Variants in CDH12 observed in about 807,000 individuals in gnomAD.
The protein encoded by CDH12 is cadherin-12.
CDH12 carries 41 observed loss-of-function variants against 74.1 expected under a neutral mutation model. The ratio of observed to expected loss-of-function variants is 0.55; its 90% confidence interval spans 0.43 to 0.72. The LOEUF (loss-of-function observed/expected upper bound fraction) is 0.72, where lower values mean the gene tolerates loss of function less well. Among genes scored for constraint, CDH12 ranks in the 30% least tolerant of loss-of-function variants. CDH12 has a pLI of 0.00. For missense variants in CDH12, 945 were observed against 977.2 expected (o/e 0.97, Z 0.44); for synonymous variants, 399 against 355.0 (o/e 1.12, Z -1.39).
At chr5:22,006,781 C>T (rs1430059281) in intron 5 of CDH12, among the ~76,000 whole-genome samples, 1 of 152,078 alleles carries the variant, frequency 6.6e-6, no homozygotes, top group Non-Finnish European at 1.5e-5. Context: ...CACATTAGGT[C>T]GCTCTAAGCA....
chr5:22,165,682 A>G (rs113686041), intron 4 of CDH12, among the ~76,000 whole-genome samples: 9,805 of 152,246 alleles, frequency 0.064, 353 homozygotes, highest in African/African-American at 0.086. Flanking sequence ...CCAGATAGGC[A>G]TTCTAAGTCA....
intron 5 of CDH12, among the ~76,000 whole-genome samples, chr5:21,983,008 T>G (rs2150128914): frequency 6.6e-6 from 1 of 152,288 alleles, no homozygotes; most frequent in Admixed American, 6.5e-5. Context: ...TCTTTCTTGC[T>G]AATCCAAACA....
chr5:22,678,007 C>T (rs900796644), intron 1 of CDH12, among the ~76,000 whole-genome samples: 2 of 144,670 alleles, frequency 1.4e-5, no homozygotes, highest in African/African-American at 2.5e-5. Context: ...TCATCTAAAC[C>T]TAAATACCAG....
intron 1 of CDH12, among the ~76,000 whole-genome samples, chr5:22,759,160 A>G (rs1236812453): frequency 2.0e-5 from 3 of 152,090 alleles, no homozygotes; most frequent in African/African-American, 7.2e-5. Flanking sequence ...CTTGTGATTC[A>G]GGATATATTT....
intron 6 of CDH12, among the ~76,000 whole-genome samples, chr5:21,915,815 A>C (rs1165142178): frequency 8.9e-6 from 1 of 112,838 alleles, no homozygotes; most frequent in African/African-American, 3.4e-5. Context: ...GTTTCTGATC[A>C]TTTGTGCTGT....
chr5:22,787,124 A>AAAACACACACACACCACACAC (rs1747675757), intron 1 of CDH12, among the ~76,000 whole-genome samples: 1 of 151,704 alleles, frequency 6.6e-6, no homozygotes, highest in African/African-American at 2.4e-5. Context: ...TAGGACCTCT[A>AAAACACACACACACCACACAC]AAACACACAC....
intron 3 of CDH12, among the ~76,000 whole-genome samples, chr5:22,329,900 T>C (rs560030272): frequency 1.3e-5 from 2 of 152,328 alleles, no homozygotes; most frequent in East Asian, 3.9e-4. Flanking sequence ...TCTGGGCTCC[T>C]AGGTAAACTT....
intron 2 of CDH12, among the ~76,000 whole-genome samples, chr5:22,429,343 T>G (rs1421188034): frequency 6.6e-6 from 1 of 152,026 alleles, no homozygotes; most frequent in Admixed American, 6.6e-5. Context: ...TTTGCCATGT[T>G]GCCCAGGTTG....
chr5:22,658,616 G>A (rs953610356), intron 1 of CDH12, among the ~76,000 whole-genome samples: 1 of 151,794 alleles, frequency 6.6e-6, no homozygotes, highest in African/African-American at 2.4e-5. Context: ...TAATACAAAG[G>A]CAACAAATAA....
intron 6 of CDH12, among the ~76,000 whole-genome samples, chr5:21,913,329 A>G (rs1436409015): frequency 1.3e-5 from 2 of 152,200 alleles, no homozygotes; most frequent in Non-Finnish European, 2.9e-5. Context: ...TACAATAATC[A>G]TCACAATTTT....
At chr5:22,823,291 A>T (rs990785593) in intron 1 of CDH12, among the ~76,000 whole-genome samples, 1 of 151,836 alleles carries the variant, frequency 6.6e-6, no homozygotes, top group African/African-American at 2.4e-5. Flanking sequence ...CTAAATGACG[A>T]GTTAATGGGT....
At chr5:22,637,867 ACTT>A (rs758078230) in intron 1 of CDH12, among the ~76,000 whole-genome samples, 15 of 152,196 alleles carry the variant, frequency 9.9e-5, no homozygotes, top group Non-Finnish European at 1.8e-4. Flanking sequence ...GTATAGTACA[ACTT>A]CTTCAGCTTC....
chr5:22,738,075 C>G (rs1405225048), intron 1 of CDH12, among the ~76,000 whole-genome samples: 2 of 151,770 alleles, frequency 1.3e-5, no homozygotes, highest in East Asian at 3.9e-4. Context: ...AGTGAGAGCC[C>G]AGTCAGAGTT....
intron 4 of CDH12, among the ~76,000 whole-genome samples, chr5:22,196,238 G>A (rs68032935): frequency 0.31 from 46,811 of 150,378 alleles, 7,654 homozygotes; most frequent in South Asian, 0.38. Context: ...TCCGAATCCC[G>A]GGTTTAGGCG....
chr5:22,697,699 T>G (rs965407162), intron 1 of CDH12, among the ~76,000 whole-genome samples: 16 of 152,306 alleles, frequency 1.1e-4, no homozygotes, highest in African/African-American at 2.9e-4. Flanking sequence ...TGGACTAAAT[T>G]GTGTCCCCTT....
intron 1 of CDH12, among the ~76,000 whole-genome samples, chr5:22,582,244 C>T (rs1481234584): frequency 6.6e-6 from 1 of 151,998 alleles, no homozygotes; most frequent in Non-Finnish European, 1.5e-5. Context: ...CATATGAATT[C>T]ACCTTAATAT....
intron 1 of CDH12, among the ~76,000 whole-genome samples, chr5:22,507,506 T>C (rs2126666223): frequency 6.6e-6 from 1 of 152,262 alleles, no homozygotes; most frequent in South Asian, 2.1e-4. Flanking sequence ...CCAGATGGGA[T>C]AACTTATTTT....
chr5:22,493,148 G>A (rs747316781), intron 2 of CDH12, among the ~76,000 whole-genome samples: 1 of 152,074 alleles, frequency 6.6e-6, no homozygotes, highest in African/African-American at 2.4e-5. Flanking sequence ...TCAGTTACTC[G>A]TATCTTGGCT....
At chr5:22,493,825 T>C (rs985024339) in intron 2 of CDH12, among the ~76,000 whole-genome samples, 2 of 152,226 alleles carry the variant, frequency 1.3e-5, no homozygotes, top group African/African-American at 2.4e-5. Context: ...CCATGGGACC[T>C]GGAAACAAGC....
Sources: allele counts gnomAD v4.1 joint callset (sites outside exome capture counted in the v4.1 genomes callset), GRCh38; gene constraint gnomAD v4.1.1; transcripts MANE v1.5; gene names NCBI Gene and HGNC (gene_info 2026-07-23, HGNC 2026-07-21).